Variants in MRTFB observed in about 807,000 individuals in gnomAD.
MRTFB encodes the protein myocardin-related transcription factor B.
Under a neutral mutation model 104.2 loss-of-function variants are expected in MRTFB, and 29 were observed. The observed-to-expected ratio is 0.28, with a 90% CI of 0.21 to 0.38. The LOEUF is 0.38. MRTFB is among the 10% of genes least tolerant of loss of function. The probability of loss-of-function intolerance (pLI) is 1.00; values close to 1 mark genes in which losing one functional copy is unlikely to be tolerated. For missense variants in MRTFB, 1,270 were observed against 1,341.6 expected (o/e 0.95, Z 0.83); for synonymous variants, 535 against 519.5 (o/e 1.03, Z -0.41).
At chr16:14,129,625 G>A (rs1032712633) in intron 2 of MRTFB, among the ~76,000 whole-genome samples, 6 of 152,160 alleles carry the variant, frequency 3.9e-5, no homozygotes, top group African/African-American at 1.4e-4. Context: ...ATGCCAGCCT[G>A]TTTTCCAAAG....
intron 8 of MRTFB, among the ~76,000 whole-genome samples, chr16:14,220,111 T>C (rs28672078): frequency 0.076 from 11,551 of 152,174 alleles, 841 homozygotes; most frequent in African/African-American, 0.19. Context: ...GCAGGGGTGA[T>C]CCTGGCCTAG....
intron 3 of MRTFB, among the ~76,000 whole-genome samples, chr16:14,202,689 T>C (rs922041633): frequency 6.6e-6 from 1 of 152,242 alleles, no homozygotes; most frequent in Non-Finnish European, 1.5e-5. Context: ...CATTTATTTT[T>C]AAGAGAAAGG....
At chr16:14,030,171 A>C in the MRTFB span, among the ~76,000 whole-genome samples, 1 of 152,184 alleles carries the variant, frequency 6.6e-6, no homozygotes, top group African/African-American at 2.4e-5. Flanking sequence ...CAGAAGACAC[A>C]GGTCTTAGGA....
intron 3 of MRTFB, among the ~76,000 whole-genome samples, chr16:14,171,895 T>C (rs2039434934): frequency 6.6e-6 from 1 of 152,174 alleles, no homozygotes; most frequent in African/African-American, 2.4e-5. Context: ...AGCCTACAGG[T>C]ATATAGTCAA....
chr16:14,015,149 G>A, the MRTFB span, among the ~76,000 whole-genome samples: 1 of 152,170 alleles, frequency 6.6e-6, no homozygotes, highest in Non-Finnish European at 1.5e-5. Context: ...GTAAGTGTAA[G>A]TGTATTGCTT....
At chr16:14,158,113 A>G (rs1373544060) in intron 3 of MRTFB, among the ~76,000 whole-genome samples, 1 of 152,194 alleles carries the variant, frequency 6.6e-6, no homozygotes, top group East Asian at 1.9e-4. Context: ...TAGCACTTCT[A>G]TTTTGACTTT....
chr16:14,091,462 A>G (rs1431731223), intron 2 of MRTFB, among the ~76,000 whole-genome samples: 1 of 152,168 alleles, frequency 6.6e-6, no homozygotes, highest in Non-Finnish European at 1.5e-5. Flanking sequence ...GAGGAAGGAA[A>G]CAGCTTTTCC....
chr16:14,084,755 C>G lies in MRTFB; in HGVS notation c.-64+5401C>G, dbSNP rs146790781. On this transcript the variant is annotated intron_variant, in intron 2 of 16. Transcript: ENST00000571589. Reference sequence around the variant, plus strand: ...TCTGTCTAAAGGATTTTAACAGTTTCTGATATGAGTGTGATCTTTAATTTT... The same window carrying G: ...TCTGTCTAAAGGATTTTAACAGTTTGTGATATGAGTGTGATCTTTAATTTT... Among the ~76,000 whole-genome samples, 327 of 152,224 alleles carry G rather than the reference C, an allele frequency of 2.1e-3. 1 individual carries two copies. The highest frequency in any genetic ancestry group is 7.6e-3 in the African/African-American group (315 of 41,538).
the MRTFB span, among the ~76,000 whole-genome samples, chr16:14,060,397 A>G: frequency 6.6e-6 from 1 of 152,170 alleles, no homozygotes; most frequent in African/African-American, 2.4e-5. Flanking sequence ...TCGCCAGGAA[A>G]CACATCTATT....
chr16:14,023,604 CACACACATACATAT>C, the MRTFB span, among the ~76,000 whole-genome samples: 74 of 131,782 alleles, frequency 5.6e-4, no homozygotes, highest in African/African-American at 1.2e-3. Context: ...CACACACACA[CACACACATACATAT>C]ACATATACAT....
At chr16:14,108,322 T>C (rs1450250529) in intron 2 of MRTFB, among the ~76,000 whole-genome samples, 2 of 152,220 alleles carry the variant, frequency 1.3e-5, no homozygotes, top group African/African-American at 4.8e-5. Context: ...TCTTGAATAT[T>C]TGAATAAGAT....
intron 2 of MRTFB, among the ~76,000 whole-genome samples, chr16:14,114,433 A>G (rs539797769): frequency 6.6e-6 from 1 of 152,336 alleles, no homozygotes; most frequent in South Asian, 2.1e-4. Context: ...TTTCAATCTC[A>G]ATTCCCACAT....
intron 2 of MRTFB, among the ~76,000 whole-genome samples, chr16:14,116,635 C>T (rs1027934093): frequency 1.3e-5 from 2 of 149,070 alleles, no homozygotes; most frequent in African/African-American, 2.5e-5. Context: ...GCACTATTGA[C>T]ATTTTGAACT....
chr16:14,058,156 CG>C, the MRTFB span, among the ~76,000 whole-genome samples: 2 of 152,144 alleles, frequency 1.3e-5, 1 homozygote, highest in South Asian at 4.1e-4. Flanking sequence ...GGCAGCTTCC[CG>C]GGGGTGCCAG....
intron 2 of MRTFB, among the ~76,000 whole-genome samples, chr16:14,117,329 CCT>C (rs1377070234): frequency 6.6e-6 from 1 of 152,254 alleles, no homozygotes; most frequent in East Asian, 1.9e-4. Context: ...GTGGGTTTTG[CCT>C]CTCTGTCCAG....
chr16:14,095,136 A>G (rs977614503), intron 2 of MRTFB, among the ~76,000 whole-genome samples: 6 of 152,210 alleles, frequency 3.9e-5, no homozygotes, highest in African/African-American at 1.4e-4. Context: ...TGGAAGGTAA[A>G]TTGTTGGGTA....
chr16:14,235,591 A>C (rs543732717), intron 9 of MRTFB, among the ~76,000 whole-genome samples: 2 of 152,184 alleles, frequency 1.3e-5, no homozygotes, highest in Admixed American at 1.3e-4. Flanking sequence ...TAATTCTAGG[A>C]CTATGCCAAG....
chr16:14,055,369 A>T, the MRTFB span, among the ~76,000 whole-genome samples: 3 of 152,190 alleles, frequency 2.0e-5, no homozygotes, highest in Non-Finnish European at 2.9e-5. Context: ...GAAGAAGAAG[A>T]AGTAGTTAAC....
rs1156701764 is a variant in MRTFB, at chr16:14,247,477, G to A, written c.2217G>A (p.Val739=). The A allele has an allele frequency of 6.3e-7, 1 of 1,575,662 alleles. No individual in the cohort carries two copies. Among genetic ancestry groups the A allele is most frequent in the South Asian group, 1.1e-5 (1 of 87,686 alleles). ...VSIQGSSVTS[V]QLPVGSLKLQ... is the part of the protein sequence containing the mutation. ...TCCAGGGCTCGAGTGTCACCTCAGT[G>A]CAACTCCCTGTAGGCAGCCTCAAAC... is the stretch of plus-strand genomic sequence containing the variant. The change falls in exon 12 of 17, where the codon GTG becomes GTA. Residue 739 remains valine (V), a synonymous_variant. Transcript: ENST00000571589.
Sources: allele counts gnomAD v4.1 joint callset (sites outside exome capture counted in the v4.1 genomes callset), GRCh38; gene constraint gnomAD v4.1.1; transcripts MANE v1.5; gene names NCBI Gene and HGNC (gene_info 2026-07-23, HGNC 2026-07-21).